FAM185A: variants seen among roughly 807,000 people sequenced by gnomAD.
FAM185A encodes the protein protein FAM185A.
FAM185A carries 21 observed loss-of-function variants against 45.7 expected under a neutral mutation model. The ratio of observed to expected loss-of-function variants is 0.46; its 90% CI spans 0.33 to 0.66. The LOEUF is 0.66. Among genes scored for constraint, FAM185A ranks in the 30% least tolerant of loss-of-function variants. The pLI, the probability that FAM185A is intolerant of heterozygous loss-of-function variation, is 0.03. For missense variants in FAM185A, 305 were observed against 485.4 expected (o/e 0.63, Z 3.49); for synonymous variants, 117 against 194.0 (o/e 0.60, Z 3.30).
intron 7 of FAM185A, among the ~76,000 whole-genome samples, chr7:102,806,206 C>T (rs1358040886): frequency 3.9e-5 from 6 of 152,038 alleles, no homozygotes; most frequent in African/African-American, 7.2e-5. Context: ...TTCCCTGAGA[C>T]GTAGTTTCAT....
At chr7:102,817,095 A>G in the FAM185A span, among the ~76,000 whole-genome samples, 1 of 152,196 alleles carries the variant, frequency 6.6e-6, no homozygotes, top group African/African-American at 2.4e-5. Flanking sequence ...TTTTGATAGA[A>G]TTATTTCTTT....
At chr7:102,841,475 G>A in the FAM185A span, among the ~76,000 whole-genome samples, 1 of 152,190 alleles carries the variant, frequency 6.6e-6, no homozygotes, top group Admixed American at 6.5e-5. Context: ...TCCCCAATGG[G>A]AGTGGGCAAG....
chr7:102,786,191 G>T (rs1410230783), intron 6 of FAM185A, among the ~76,000 whole-genome samples: 2 of 152,178 alleles, frequency 1.3e-5, no homozygotes, highest in African/African-American at 4.8e-5. Context: ...ACAGGTGCTG[G>T]AGAGGATGTG....
intron 2 of FAM185A, among the ~76,000 whole-genome samples, chr7:102,752,506 G>A (rs1222515143): frequency 1.3e-5 from 2 of 151,668 alleles, no homozygotes; most frequent in East Asian, 1.9e-4. Flanking sequence ...TCCTGACCTC[G>A]TGATCCGCCT....
In FAM185A at chr7:102,783,997, G is replaced by C. The variant is rs148939322; in HGVS notation, c.932-3338G>C. ...ATAGATGCAATAAAAAATGACAAAG[G>C]GGATATCATCACCGATCCCACAGAA... On this transcript the variant is annotated intron_variant, in intron 6 of 7. Coordinates refer to ENST00000413034, the MANE Select transcript of FAM185A (RefSeq NM_001145268.2). Among the ~76,000 whole-genome samples, 110 of 152,180 alleles carry C rather than the reference G, an allele frequency of 7.2e-4. 1 individual carries two copies. The East Asian group carries it at 0.018, about 26-fold the overall frequency.
At chr7:102,819,107 T>C in the FAM185A span, among the ~76,000 whole-genome samples, 1 of 152,162 alleles carries the variant, frequency 6.6e-6, no homozygotes, top group Non-Finnish European at 1.5e-5. Flanking sequence ...TTAGTGATTC[T>C]TCAGGTTCTC....
At chr7:102,771,375 A>C (rs1314247071) in intron 4 of FAM185A, among the ~76,000 whole-genome samples, 1 of 152,188 alleles carries the variant, frequency 6.6e-6, no homozygotes, top group Non-Finnish European at 1.5e-5. Context: ...AAAATTAGTA[A>C]TCTTATAAGC....
At chr7:102,836,959 T>C in the FAM185A span, among the ~76,000 whole-genome samples, 1 of 152,250 alleles carries the variant, frequency 6.6e-6, no homozygotes, top group Non-Finnish European at 1.5e-5. Flanking sequence ...TGGGGAGTTT[T>C]TCCCTGTTGG....
chr7:102,839,049 T>C, the FAM185A span, among the ~76,000 whole-genome samples: 1 of 152,206 alleles, frequency 6.6e-6, no homozygotes, highest in African/African-American at 2.4e-5. Flanking sequence ...AAAACCTGAT[T>C]GTATATTTGT....
the FAM185A span, among the ~76,000 whole-genome samples, chr7:102,844,014 T>C: frequency 2.0e-5 from 3 of 152,274 alleles, no homozygotes; most frequent in African/African-American, 7.2e-5. Flanking sequence ...CTGCAAGATA[T>C]TAGTAAACCA....
At chr7:102,785,890 G>A (rs1795758055) in intron 6 of FAM185A, among the ~76,000 whole-genome samples, 1 of 152,048 alleles carries the variant, frequency 6.6e-6, no homozygotes, top group Admixed American at 6.5e-5. Context: ...AGAGTGAACA[G>A]GCAACCTACA....
At chr7:102,806,035 G>T (rs770417546) in intron 7 of FAM185A, among the ~76,000 whole-genome samples, 30 of 152,128 alleles carry the variant, frequency 2.0e-4, no homozygotes, top group Non-Finnish European at 3.4e-4. Context: ...TGGGGGTCCA[G>T]GTTTTTGAGA....
At chr7:102,839,353 C>T in the FAM185A span, among the ~76,000 whole-genome samples, 7 of 152,284 alleles carry the variant, frequency 4.6e-5, no homozygotes, top group East Asian at 1.9e-4. Context: ...ACTCAGAGAC[C>T]GGTGCTGGTG....
intron 2 of FAM185A, among the ~76,000 whole-genome samples, chr7:102,754,204 ATT>A (rs10651309): frequency 0.13 from 18,711 of 147,644 alleles, 780 homozygotes; most frequent in Admixed American, 0.22. Context: ...AATAAAAAAA[ATT>A]TTTTTTTTTT....
chr7:102,794,035 C>CAAAAAA (rs765672577), intron 7 of FAM185A, among the ~76,000 whole-genome samples: 14 of 60,448 alleles, frequency 2.3e-4, no homozygotes, highest in East Asian at 4.6e-4. Flanking sequence ...GACTCTGTCT[C>CAAAAAA]AAAAAAAAAA....
At chr7:102,820,557 T>A in the FAM185A span, among the ~76,000 whole-genome samples, 27,493 of 152,188 alleles carry the variant, frequency 0.18, 2,784 homozygotes, top group East Asian at 0.43. Context: ...TCCTGGGTCT[T>A]CTTGACCACT....
At chr7:102,801,660 C>A (rs1457557000) in intron 7 of FAM185A, among the ~76,000 whole-genome samples, 4 of 152,232 alleles carry the variant, frequency 2.6e-5, no homozygotes, top group Non-Finnish European at 4.4e-5. Context: ...TGCAGTGGCT[C>A]ATGCCTATAA....
At chr7:102,804,614 T>C (rs972818636) in intron 7 of FAM185A, among the ~76,000 whole-genome samples, 13 of 152,222 alleles carry the variant, frequency 8.5e-5, no homozygotes, top group African/African-American at 2.9e-4. Flanking sequence ...CTTCTAGACA[T>C]TGGCTTAGGC....
the FAM185A span, among the ~76,000 whole-genome samples, chr7:102,838,235 G>C: frequency 6.6e-6 from 1 of 152,136 alleles, no homozygotes; most frequent in Non-Finnish European, 1.5e-5. Context: ...TCTCATCAGT[G>C]GTGTGGGAAT....
Sources: gnomAD v4.1 joint callset for allele counts (sites outside exome capture counted in the v4.1 genomes callset) on GRCh38, gnomAD v4.1.1 for gene constraint, MANE v1.5 for transcripts, NCBI Gene and HGNC (gene_info 2026-07-23, HGNC 2026-07-21) for gene names.